The following CRB3 variants were observed in gnomAD, a reference collection of about 807,000 sequenced individuals.
CRB3 encodes protein crumbs homolog 3.
In CRB3, 4 loss-of-function variants were observed where a neutral mutation model predicts 10.4. The observed-to-expected ratio is 0.39, with a 90% CI of 0.19 to 0.88. CRB3 has a LOEUF of 0.88. Among genes scored for constraint, CRB3 ranks in the 40% least tolerant of loss-of-function variants. The pLI is 0.39. For missense variants in CRB3, 154 were observed against 160.2 expected (o/e 0.96, Z 0.21); for synonymous variants, 74 against 73.4 (o/e 1.01, Z -0.04).
In CRB3 at chr19:6,465,601, A is replaced by G; in HGVS notation, c.139A>G (p.Ser47Gly). 3 of 1,613,916 alleles carry G rather than the reference A, an allele frequency of 1.9e-6. No homozygotes were observed. The highest frequency in any genetic ancestry group is 2.5e-6 in the Non-Finnish European group (3 of 1,179,790). Reference protein sequence around the residue: ...STVLPSSTSSSSDGNLRPEAI... With the variant: ...STVLPSSTSSGSDGNLRPEAI... ...TGTTTTGCCTTCATCCACCAGCTCC[A>G]GCTCCGATGGCAACCTGGTGAGTTG... is the stretch of plus-strand genomic sequence containing the variant. The change falls in exon 3 of 4, where the codon AGC becomes GGC. Residue 47 changes from serine (S) to glycine (G), a missense_variant. By Grantham distance (56) the Ser-to-Gly change is moderately conservative. Transcript: ENST00000600229.
Position 6,464,833 on chromosome 19 carries a change from C to A in CRB3, c.82+50C>A. 3 of 1,114,578 alleles carry A rather than the reference C, an allele frequency of 2.7e-6. No homozygotes were observed. The highest frequency in any genetic ancestry group is 4.5e-5 in the South Asian group (1 of 22,182). 69.0% of individuals were successfully genotyped at this position (1,114,578 alleles called of 1,614,324 possible). ...GGGGGAGGGGTCTGGATTCCTGGAT[C>A]TCTGCTGGGGACGTGGCTTAGAAGC... On this transcript the variant is annotated intron_variant, in intron 2 of 3. Coordinates refer to ENST00000600229, the MANE Select transcript of CRB3 (RefSeq NM_139161.5). This position sits in a 1 kb window ranked among gnomAD's most constrained non-coding sequence, Gnocchi z 5.3.
At chr19:6,465,101 G>C (rs897189076) in intron 2 of CRB3, 15 of 309,762 alleles carry the variant, frequency 4.8e-5, no homozygotes, top group Non-Finnish European at 7.7e-5. Context: ...GTATAGTGCA[G>C]GTGTTTTTGG....
rs748690668 is a variant in CRB3 at position 6,466,553 on chromosome 19, A to C, written c.244A>C (p.Lys82Gln). 6.2e-7 allele frequency: 1 copy of C among 1,612,674 alleles called. No homozygotes were observed. Among genetic ancestry groups the C allele is most frequent in the Non-Finnish European group, 8.5e-7 (1 of 1,179,976 alleles). The change falls in exon 4 of 4, where the codon AAG (lysine) becomes CAG (glutamine). Residue 82 changes from lysine (K) to glutamine (Q), a missense_variant. Transcript: ENST00000600229. The surrounding 1 kb of genome is among the most constrained non-coding windows in gnomAD (Gnocchi z 4.9). The stretch of plus-strand genomic sequence containing the variant: ...TGTGGGGCTGGCACTGTTGGTGCGG[A>C]AGCTTCGGGAGAAGCGGCAGACGGA... Reference protein sequence around the residue: ...LAVGLALLVRKLREKRQTEGT... With the variant: ...LAVGLALLVRQLREKRQTEGT...
chr19:6,467,073 A>G lies in CRB3; in HGVS notation c.*401A>G. The G allele has an allele frequency of 6.5e-7, 1 of 1,548,288 alleles. No homozygotes were observed. Among genetic ancestry groups the G allele is most frequent in the South Asian group, 1.1e-5 (1 of 89,604 alleles). On this transcript the variant is annotated 3_prime_UTR_variant, in exon 4 of 4. Transcript: ENST00000600229. ...TTCATTGCTGTGTGACCTTGGGGAA[A>G]GGCAGTGCCCTCTCTGGGCAGTCAG...
upstream of CRB3, chr19:6,463,838 G>C (rs1290469751): frequency 6.6e-6 from 1 of 151,858 alleles, no homozygotes; most frequent in Non-Finnish European, 1.5e-5. Flanking sequence ...GGCTGGTCTC[G>C]GACTCCTGGC....
At position 6,466,678 on chromosome 19, in the gene CRB3, G is replaced by A. The variant is rs777117670; in HGVS notation, c.*6G>A. ...CGGAAGAGCGGCTCATCTGAACGCT[G>A]GGGCCTGCTGCAGCCACCAACACTG... On this transcript the variant is annotated 3_prime_UTR_variant, in exon 4 of 4. Transcript: ENST00000600229. The surrounding 1 kb of genome is among the most constrained non-coding windows in gnomAD (Gnocchi z 4.9). 1.4e-5 allele frequency: 22 copies of A among 1,597,718 alleles called. No homozygotes were observed. The highest frequency in any genetic ancestry group is 1.4e-5 in the Non-Finnish European group (17 of 1,179,084).
chr19:6,465,515 T>G (rs1480073057), intron 2 of CRB3, 30 bp from the exon 3 acceptor site: 1 of 1,591,440 alleles, frequency 6.3e-7, no homozygotes, highest in South Asian at 1.1e-5. Flanking sequence ...AGATGGAGAC[T>G]GAGTTATTCT....
chr19:6,465,717 G>A, intron 3 of CRB3, 99 bp downstream of exon 3: 1 of 1,076,822 alleles, frequency 9.3e-7, no homozygotes, highest in Non-Finnish European at 1.4e-6. Context: ...TCCCCCCAGA[G>A]GTGGCAGGTC....
Position 6,466,909 on chromosome 19 carries a change from G to A in CRB3, c.*237G>A. On this transcript the variant is annotated 3_prime_UTR_variant, in exon 4 of 4. Transcript: ENST00000600229. This position sits in a 1 kb window ranked among gnomAD's most constrained non-coding sequence, Gnocchi z 4.9. ...CTGCTTGCGGAACCAACTTTTCTCT[G>A]TGTGTCCAGCAGGCCCCACAACCCC... is the stretch of plus-strand genomic sequence containing the variant. 1.9e-6 allele frequency: 3 copies of A among 1,603,096 alleles called. No individual in the cohort carries two copies. Among genetic ancestry groups the A allele is most frequent in the Non-Finnish European group, 2.6e-6 (3 of 1,174,806 alleles).
chr19:6,466,212 C>T lies in CRB3; in HGVS notation c.157-254C>T, dbSNP rs1212433005. The stretch of plus-strand genomic sequence containing the variant: ...CAAGACTCGGTCTCAAAAAAAAAAG[C>T]CGGAGTCCCAGACATGGCAGGTGCT... On this transcript the variant is annotated intron_variant, in intron 3 of 3. Transcript: ENST00000600229. This position sits in a 1 kb window ranked among gnomAD's most constrained non-coding sequence, Gnocchi z 4.9. Among the ~76,000 whole-genome samples, 6 of 151,714 alleles carry T rather than the reference C, an allele frequency of 4.0e-5. No individual in the cohort carries two copies. The highest frequency in any genetic ancestry group is 8.8e-5 in the Non-Finnish European group (6 of 67,866).
intron 2 of CRB3, chr19:6,465,155 T>G (rs1007353309): frequency 5.6e-5 from 16 of 283,214 alleles, no homozygotes; most frequent in Non-Finnish European, 9.8e-5. Context: ...CGGGTCGACC[T>G]GGTTGGCTGA....
At position 6,467,154 on chromosome 19, in the gene CRB3, G is replaced by A. The variant is rs970097654; in HGVS notation, c.*482G>A. 2.7e-6 allele frequency: 2 copies of A among 732,544 alleles called. No individual in the cohort carries two copies. The highest frequency in any genetic ancestry group is 3.5e-5 in the African/African-American group (2 of 56,750). 45.4% of individuals were successfully genotyped at this position (732,544 alleles called of 1,614,324 possible). On this transcript the variant is annotated 3_prime_UTR_variant, in exon 4 of 4. Transcript: ENST00000600229. ...GGTACTTCAAAGACTCTGCCCCTGA[G>A]GTCAAGAGAGGATGGGGCTATTCAC...
At position 6,466,423 on chromosome 19, in the gene CRB3, G is replaced by T; in HGVS notation, c.157-43G>T. The T allele has an allele frequency of 6.4e-7, 1 of 1,568,694 alleles. No individual in the cohort carries two copies. Among genetic ancestry groups the T allele is most frequent in the Non-Finnish European group, 8.8e-7 (1 of 1,141,860 alleles). ...ATGCCATTCAGGTGGAGGTGGACAGGCTACCCAGGCTCAGGTGATTCACAC... is the reference window on the plus strand; with the variant it reads ...ATGCCATTCAGGTGGAGGTGGACAGTCTACCCAGGCTCAGGTGATTCACAC... On this transcript the variant is annotated intron_variant, in intron 3 of 3. Transcript: ENST00000600229. The surrounding 1 kb of genome is among the most constrained non-coding windows in gnomAD (Gnocchi z 4.9).
chr19:6,465,963 G>T (rs12981418), intron 3 of CRB3, among the ~76,000 whole-genome samples: 35,280 of 151,950 alleles, frequency 0.23, 5,521 homozygotes, highest in Non-Finnish European at 0.36. Context: ...CACCTTGGGA[G>T]GCCGAGGCAG....
In CRB3 at chr19:6,464,285, G is replaced by A. The variant is rs1237418441; in HGVS notation, c.-160G>A. ...GGGTCGGACCCACAGAACGACCGACGGACCGAGGGTTCGAGGGAGGGACAC... is the reference window on the plus strand; with the variant it reads ...GGGTCGGACCCACAGAACGACCGACAGACCGAGGGTTCGAGGGAGGGACAC... On this transcript the variant is annotated 5_prime_UTR_variant, in exon 1 of 4. Transcript: ENST00000600229. This position sits in a 1 kb window ranked among gnomAD's most constrained non-coding sequence, Gnocchi z 5.3. 1 of 161,328 alleles carries A rather than the reference G, an allele frequency of 6.2e-6. No homozygotes were observed. The highest frequency in any genetic ancestry group is 2.4e-5 in the African/African-American group (1 of 41,828). The allele number at this position is 161,328 out of a possible 1,614,324, so 10.0% of individuals were successfully genotyped here. A position where few individuals can be genotyped will look rare whatever the true frequency, so the allele number is the denominator to read the frequency against.
In CRB3 at chr19:6,465,618, G is replaced by A. The variant is rs777136538; in HGVS notation, c.156G>A (p.Leu52=). The A allele has an allele frequency of 3.7e-6, 6 of 1,612,538 alleles. No homozygotes were observed. Among genetic ancestry groups the A allele is most frequent in the Non-Finnish European group, 5.1e-6 (6 of 1,178,578 alleles). Reference sequence around the variant, plus strand: ...CCAGCTCCAGCTCCGATGGCAACCTGGTGAGTTGGAGGTATATGTGGGAAG... The same window carrying A: ...CCAGCTCCAGCTCCGATGGCAACCTAGTGAGTTGGAGGTATATGTGGGAAG... ...SSTSSSSDGN[L]RPEAITAIIV... Residue 52 remains leucine, a splice_region_variant and synonymous_variant, in exon 3 of 4, where the codon CTG becomes CTA. Transcript: ENST00000600229.
chr19:6,465,748 T>C (rs1041859583), intron 3 of CRB3, 130 bp downstream of exon 3: 11 of 784,666 alleles, frequency 1.4e-5, no homozygotes, highest in African/African-American at 3.4e-5. Context: ...TGGAGAGCTC[T>C]AAGTAGGAGA....
rs2092794514 is a variant in CRB3 at position 6,466,399 on chromosome 19, T to G, written c.157-67T>G. On this transcript the variant is annotated intron_variant, in intron 3 of 3. Coordinates refer to ENST00000600229, the MANE Select transcript of CRB3 (RefSeq NM_139161.5). This position sits in a 1 kb window ranked among gnomAD's most constrained non-coding sequence, Gnocchi z 4.9. ...GTGGGGTAGGGGGTGATGAGGGGGA[T>G]GCCATTCAGGTGGAGGTGGACAGGC... 1 of 1,298,614 alleles carries G rather than the reference T, an allele frequency of 7.7e-7. No individual in the cohort carries two copies. The highest frequency in any genetic ancestry group is 1.5e-5 in the African/African-American group (1 of 68,492). 80.4% of individuals were successfully genotyped at this position (1,298,614 alleles called of 1,614,324 possible). A position where few individuals can be genotyped will look rare whatever the true frequency, so the allele number is the denominator to read the frequency against.
Position 6,466,372 on chromosome 19 carries a change from T to G in CRB3, c.157-94T>G. 1.0e-6 allele frequency: 1 copy of G among 969,148 alleles called. No individual in the cohort carries two copies. Among genetic ancestry groups the G allele is most frequent in the Non-Finnish European group, 1.6e-6 (1 of 615,302 alleles). The allele number at this position is 969,148 out of a possible 1,614,324, so 60.0% of individuals were successfully genotyped here. On this transcript the variant is annotated intron_variant, in intron 3 of 3. Coordinates refer to ENST00000600229, the MANE Select transcript of CRB3 (RefSeq NM_139161.5). This position sits in a 1 kb window ranked among gnomAD's most constrained non-coding sequence, Gnocchi z 4.9. The stretch of plus-strand genomic sequence containing the variant: ...AGATGTGTGTATGTGTGTGTGTGTG[T>G]TGTGGGGTAGGGGGTGATGAGGGGG...
Sources: gnomAD v4.1 joint callset for allele counts (sites outside exome capture counted in the v4.1 genomes callset) on GRCh38, gnomAD v4.1.1 for gene constraint, Gnocchi (gnomAD v3.1) non-coding constraint, MANE v1.5 for transcripts, NCBI Gene and HGNC (gene_info 2026-07-23, HGNC 2026-07-21) for gene names.